CNTLN: variants seen among roughly 807,000 people sequenced by gnomAD.
CNTLN encodes centlein, centrosomal protein.
In CNTLN, 212 loss-of-function variants were observed where a neutral mutation model predicts 180.0. The ratio of observed to expected loss-of-function variants is 1.18; its 90% CI spans 1.05 to 1.32. The LOEUF is 1.32. CNTLN is among the 40% of genes most tolerant of loss of function. The pLI is 0.00. For missense variants in CNTLN, 2,095 were observed against 1,610.9 expected, an observed-to-expected ratio of 1.30 and a Z score of -5.14; for synonymous variants, 722 against 563.1, an observed-to-expected ratio of 1.28 and a Z score of -3.99.
At chr9:17,376,845 T>G (rs1252031383) in intron 13 of CNTLN, among the ~76,000 whole-genome samples, 1 of 152,090 alleles carries the variant, frequency 6.6e-6, no homozygotes, top group Non-Finnish European at 1.5e-5. Context: ...AGATTTACAT[T>G]TATTATATTT....
chr9:17,523,148 G>C, the CNTLN span, among the ~76,000 whole-genome samples: 35 of 152,258 alleles, frequency 2.3e-4, no homozygotes, highest in African/African-American at 8.4e-4. Context: ...CCACTATCTG[G>C]ATAATGCCTC....
chr9:17,197,401 C>T (rs1298643099), intron 2 of CNTLN, among the ~76,000 whole-genome samples: 1 of 151,916 alleles, frequency 6.6e-6, no homozygotes, highest in Non-Finnish European at 1.5e-5. Flanking sequence ...TGTTGAGCAT[C>T]TTTTTATTTA....
intron 4 of CNTLN, among the ~76,000 whole-genome samples, chr9:17,236,040 A>T (rs960317187): frequency 6.6e-6 from 1 of 152,226 alleles, no homozygotes; most frequent in Non-Finnish European, 1.5e-5. Context: ...GAGTGTGAAT[A>T]TGTGGCTTCT....
At chr9:17,481,856 G>T (rs946399801) in intron 23 of CNTLN, among the ~76,000 whole-genome samples, 2 of 152,206 alleles carry the variant, frequency 1.3e-5, no homozygotes, top group African/African-American at 4.8e-5. Flanking sequence ...GCCCTGCCCA[G>T]CTAGAGAACC....
At position 17,350,986 on chromosome 9, in the gene CNTLN, A is replaced by C. The variant is rs1028939818; in HGVS notation, c.1886+8542A>C. Among the ~76,000 whole-genome samples the C allele has an allele frequency of 7.9e-5, 12 of 152,348 alleles. 1 individual carries two copies. The South Asian group carries it at 2.5e-3, about 32-fold the overall frequency. ...TATTTTAGACTACAATTTGTTAAGC[A>C]TAATTAAATCAAAGACAGAAAAATC... On this transcript the variant is annotated intron_variant, in intron 12 of 25. Transcript: ENST00000380647.
intron 2 of CNTLN, among the ~76,000 whole-genome samples, chr9:17,195,281 T>C (rs1233576967): frequency 2.0e-5 from 3 of 152,206 alleles, no homozygotes; most frequent in Non-Finnish European, 4.4e-5. Context: ...TGAGAGGTCA[T>C]ACTAATGATT....
intron 16 of CNTLN, among the ~76,000 whole-genome samples, chr9:17,412,025 C>G (rs967789198): frequency 1.3e-5 from 2 of 151,942 alleles, no homozygotes; most frequent in African/African-American, 2.4e-5. Context: ...GCCCCCACCC[C>G]CTCCCCATGA....
chr9:17,439,621 C>T (rs565561234), intron 18 of CNTLN, among the ~76,000 whole-genome samples: 3 of 152,158 alleles, frequency 2.0e-5, no homozygotes, highest in African/African-American at 7.2e-5. Flanking sequence ...AATCACAGAG[C>T]TAAACATTTT....
chr9:17,410,167 T>A (rs2133847502), intron 16 of CNTLN, among the ~76,000 whole-genome samples: 1 of 152,268 alleles, frequency 6.6e-6, no homozygotes, highest in Middle Eastern at 3.4e-3. Flanking sequence ...GCTGATTGAT[T>A]GATAAATAGA....
At chr9:17,257,372 A>G (rs902492784) in intron 5 of CNTLN, among the ~76,000 whole-genome samples, 1 of 152,086 alleles carries the variant, frequency 6.6e-6, no homozygotes, top group Admixed American at 6.6e-5. Flanking sequence ...AATCCAGTCT[A>G]TCATTGTTGG....
At chr9:17,511,740 G>A in the CNTLN span, among the ~76,000 whole-genome samples, 1 of 152,040 alleles carries the variant, frequency 6.6e-6, no homozygotes, top group East Asian at 1.9e-4. Flanking sequence ...CAAGTGGTGG[G>A]AATTATTAGG....
At chr9:17,178,180 G>A (rs1407527348) in intron 2 of CNTLN, among the ~76,000 whole-genome samples, 1 of 151,878 alleles carries the variant, frequency 6.6e-6, no homozygotes, top group Non-Finnish European at 1.5e-5. Context: ...ACTAGATACG[G>A]AGTGTCGATT....
At chr9:17,249,579 G>T (rs928697329) in intron 5 of CNTLN, among the ~76,000 whole-genome samples, 2 of 151,944 alleles carry the variant, frequency 1.3e-5, no homozygotes, top group African/African-American at 4.8e-5. Flanking sequence ...TTGATCTCCT[G>T]ATCTCATGAT....
chr9:17,393,250 T>C (rs1437719189), intron 14 of CNTLN, among the ~76,000 whole-genome samples: 1 of 152,162 alleles, frequency 6.6e-6, no homozygotes, highest in African/African-American at 2.4e-5. Flanking sequence ...CACCTCATCA[T>C]GCCATCAAAC....
At chr9:17,386,243 A>G (rs1370888040) in intron 13 of CNTLN, among the ~76,000 whole-genome samples, 1 of 151,990 alleles carries the variant, frequency 6.6e-6, no homozygotes, top group Non-Finnish European at 1.5e-5. Flanking sequence ...AGCCAAGAGG[A>G]TTAAAAGAAA....
At chr9:17,226,830 G>T (rs1467996501) in intron 3 of CNTLN, among the ~76,000 whole-genome samples, 1 of 151,938 alleles carries the variant, frequency 6.6e-6, no homozygotes. Context: ...ATGTCAGAAG[G>T]CAAAGCATGT....
intron 5 of CNTLN, among the ~76,000 whole-genome samples, chr9:17,268,913 C>T (rs1255461649): frequency 2.0e-5 from 3 of 151,896 alleles, no homozygotes; most frequent in Non-Finnish European, 4.4e-5. Flanking sequence ...GTGGGAGTGA[C>T]CCGATTTTCC....
At chr9:17,236,108 GAT>G (rs1213361167) in intron 4 of CNTLN, among the ~76,000 whole-genome samples, 2 of 152,160 alleles carry the variant, frequency 1.3e-5, no homozygotes, top group Non-Finnish European at 2.9e-5. Context: ...GGTCTGGGAG[GAT>G]ATGTCTGTAT....
At chr9:17,194,791 A>G (rs755228248) in intron 2 of CNTLN, among the ~76,000 whole-genome samples, 14 of 152,184 alleles carry the variant, frequency 9.2e-5, no homozygotes, top group Non-Finnish European at 1.9e-4. Flanking sequence ...GCTCATAAAG[A>G]CATATCTGAG....
Sources: allele counts gnomAD v4.1 joint callset (sites outside exome capture counted in the v4.1 genomes callset), GRCh38; gene constraint gnomAD v4.1.1; transcripts MANE v1.5; gene names NCBI Gene and HGNC (gene_info 2026-07-23, HGNC 2026-07-21).